The following TFB2M variants were observed in gnomAD, a reference collection of about 807,000 sequenced individuals.
TFB2M encodes dimethyladenosine transferase 2, mitochondrial.
Under a neutral mutation model 41.3 loss-of-function variants are expected in TFB2M, and 44 were observed. The ratio of observed to expected loss-of-function variants is 1.07; its 90% CI spans 0.84 to 1.37. The LOEUF (loss-of-function observed/expected upper bound fraction) is 1.37. Ranked by LOEUF, TFB2M falls within the 40% of genes most tolerant of loss-of-function variation. The pLI is 0.00. For synonymous variants in TFB2M, 188 were observed against 176.8 expected (o/e 1.06, Z -0.50); for missense variants, 496 against 490.2 (o/e 1.01, Z -0.11).
At chr1:246,543,716 T>A (rs995941305) in intron 7 of TFB2M, among the ~76,000 whole-genome samples, 2 of 152,170 alleles carry the variant, frequency 1.3e-5, no homozygotes, top group Non-Finnish European at 2.9e-5. Context: ...GGTGGATTGC[T>A]TGAGGCCAGG....
rs1359342295 is a variant in TFB2M, at chr1:246,565,907, G to A, written c.232C>T (p.Arg78Trp). The stretch of plus-strand genomic sequence containing the variant: ...TGCGCCAGGGTCTCAGCCAATCTCC[G>A]ATCGGTTACGTAACGCTTAAAGTCT... ...SLDFKRYVTD[R>W]RLAETLAQIY... The change falls in exon 1 of 8, where the codon CGG (arginine) becomes TGG (tryptophan). Residue 78 changes from arginine to tryptophan, a missense_variant. Coordinates refer to ENST00000366514, the MANE Select transcript of TFB2M (RefSeq NM_022366.3). 1.2e-6 allele frequency: 2 copies of A among 1,613,860 alleles called. No homozygotes were observed. Among genetic ancestry groups the A allele is most frequent in the Non-Finnish European group, 8.5e-7 (1 of 1,179,750 alleles).
At chr1:246,558,490 T>G (rs1270476945) in intron 2 of TFB2M, among the ~76,000 whole-genome samples, 1 of 152,072 alleles carries the variant, frequency 6.6e-6, no homozygotes, top group Non-Finnish European at 1.5e-5. Flanking sequence ...ATTCAAAAGC[T>G]TTTCACACCA....
chr1:246,566,120 C>G lies in TFB2M; in HGVS notation c.19G>C (p.Gly7Arg). 6.2e-7 allele frequency: 1 copy of G among 1,609,930 alleles called. No homozygotes were observed. Among genetic ancestry groups the G allele is most frequent in the South Asian group, 1.1e-5 (1 of 91,028 alleles). MWIPVV[G>R]LPRRLRLSAL... ...GAGAGCCTCAGCCGCCGAGGAAGCC[C>G]GACCACTGGGATCCACATGTCCTTG... The change falls in exon 1 of 8, where the codon GGG becomes CGG. Residue 7 changes from glycine to arginine, a missense_variant. Gly to Arg is a moderately radical substitution (Grantham distance 125, BLOSUM62 -2). Coordinates refer to ENST00000366514, the MANE Select transcript of TFB2M (RefSeq NM_022366.3).
chr1:246,545,614 A>G (rs992595370), intron 6 of TFB2M, among the ~76,000 whole-genome samples: 1 of 151,980 alleles, frequency 6.6e-6, no homozygotes, highest in Admixed American at 6.6e-5. Context: ...GGAGTTCAAG[A>G]CTAGCCTGGA....
intron 4 of TFB2M, among the ~76,000 whole-genome samples, chr1:246,554,876 C>A (rs1314302356): frequency 6.6e-6 from 1 of 152,098 alleles, no homozygotes; most frequent in East Asian, 1.9e-4. Context: ...AAATGAAAAA[C>A]TTTGGGCATC....
At position 246,540,599 on chromosome 1, in the gene TFB2M, T is replaced by C. The variant is rs1393712026; in HGVS notation, c.*432A>G. The C allele has an allele frequency of 6.5e-6, 1 of 153,286 alleles. No individual in the cohort carries two copies. The highest frequency in any genetic ancestry group is 1.5e-5 in the Non-Finnish European group (1 of 68,510). The allele number at this position is 153,286 out of a possible 1,614,324, so 9.5% of individuals were successfully genotyped here. A position where few individuals can be genotyped will look rare whatever the true frequency, so the allele number is the denominator to read the frequency against. The stretch of plus-strand genomic sequence containing the variant: ...TATTTTAATTTCTAAAAAGCTTAAA[T>C]CATATTAAAATTTAAACAATTTCAT... On this transcript the variant is annotated 3_prime_UTR_variant, in exon 8 of 8. Coordinates refer to ENST00000366514, the MANE Select transcript of TFB2M (RefSeq NM_022366.3).
intron 6 of TFB2M, among the ~76,000 whole-genome samples, chr1:246,546,977 ACACAC>A (rs1199867692): frequency 1.7e-5 from 2 of 117,668 alleles, no homozygotes; most frequent in African/African-American, 3.2e-5. Flanking sequence ...ACACACACAC[ACACAC>A]ATTTTTTTTT....
At chr1:246,547,757 C>A (rs756695197) in intron 6 of TFB2M, among the ~76,000 whole-genome samples, 15 of 141,934 alleles carry the variant, frequency 1.1e-4, no homozygotes, top group Non-Finnish European at 1.9e-4. Flanking sequence ...TTTTGTGAAA[C>A]TTTAGCTACT....
chr1:246,551,475 G>A (rs563823464), intron 4 of TFB2M, among the ~76,000 whole-genome samples, 173 bp from the exon 5 acceptor site: 1 of 152,312 alleles, frequency 6.6e-6, no homozygotes, highest in African/African-American at 2.4e-5. Context: ...CCAGCTACTC[G>A]AAAGGCTGAG....
chr1:246,544,776 C>T, intron 6 of TFB2M, 95 bp from the exon 7 acceptor site: 1 of 1,066,292 alleles, frequency 9.4e-7, no homozygotes, highest in Non-Finnish European at 1.4e-6. Flanking sequence ...CTGAAAGACA[C>T]AATCACCACA....
chr1:246,566,073 G>A lies in TFB2M; in HGVS notation c.66C>T (p.Arg22=), dbSNP rs1313356009. The A allele has an allele frequency of 1.9e-6, 3 of 1,613,616 alleles. No homozygotes were observed. The highest frequency in any genetic ancestry group is 4.5e-5 in the East Asian group (2 of 44,874). ...LRLSALAGAG[R]FCILGSEAAT... Reference sequence around the variant, plus strand: ...CCGCTTCAGACCCTAAAATGCAAAAGCGACCAGCGCCCGCCAAGGCGGAGA... The same window carrying A: ...CCGCTTCAGACCCTAAAATGCAAAAACGACCAGCGCCCGCCAAGGCGGAGA... The change falls in exon 1 of 8, where the codon CGC becomes CGT. Residue 22 remains arginine, a synonymous_variant. Coordinates refer to ENST00000366514, the MANE Select transcript of TFB2M (RefSeq NM_022366.3).
intron 4 of TFB2M, among the ~76,000 whole-genome samples, chr1:246,554,853 G>A (rs1352314885): frequency 6.6e-6 from 1 of 151,978 alleles, no homozygotes; most frequent in Non-Finnish European, 1.5e-5. Context: ...AAAAGACAAA[G>A]TTGACTTCAT....
rs1233491675 is a variant in TFB2M at position 246,544,582 on chromosome 1, A to G, written c.958T>C (p.Phe320Leu). Residue 320 changes from phenylalanine to leucine, a missense_variant, in exon 7 of 8, where the codon TTT becomes CTT. Coordinates refer to ENST00000366514, the MANE Select transcript of TFB2M (RefSeq NM_022366.3). ...AAACAGTGCTTTAACAAGTGAAAAA[A>G]TATATTATAGTTCATAGGTGTTAAG... ...KNLTPMNYNI[F>L]FHLLKHCFGR... 2.5e-6 allele frequency: 4 copies of G among 1,611,750 alleles called. No individual in the cohort carries two copies. The highest frequency in any genetic ancestry group is 3.4e-6 in the Non-Finnish European group (4 of 1,179,442).
intron 6 of TFB2M, among the ~76,000 whole-genome samples, chr1:246,545,046 C>G (rs939398008): frequency 7.3e-6 from 1 of 137,516 alleles, no homozygotes; most frequent in African/African-American, 2.6e-5. Context: ...ACCTCGTGAT[C>G]CGCCCGCCTC....
At chr1:246,561,903 T>TC (rs1248617059) in intron 2 of TFB2M, among the ~76,000 whole-genome samples, 3 of 152,176 alleles carry the variant, frequency 2.0e-5, no homozygotes, top group African/African-American at 7.2e-5. Flanking sequence ...CTTTTTTTTT[T>TC]CCTCAAATCA....
At chr1:246,556,152 T>C (rs929947134) in intron 4 of TFB2M, among the ~76,000 whole-genome samples, 3 of 152,168 alleles carry the variant, frequency 2.0e-5, no homozygotes, top group African/African-American at 4.8e-5. Context: ...ATAACATTGA[T>C]GAACCTTGAA....
chr1:246,551,340 T>A (rs1203579139), intron 4 of TFB2M, 38 bp from the exon 5 acceptor site: 1 of 1,364,988 alleles, frequency 7.3e-7, no homozygotes, highest in Non-Finnish European at 1.0e-6. Flanking sequence ...GTTATACACA[T>A]CTATAATCAA....
At chr1:246,542,273 C>T (rs1366645547) in intron 7 of TFB2M, among the ~76,000 whole-genome samples, 1 of 149,856 alleles carries the variant, frequency 6.7e-6, no homozygotes, top group African/African-American at 2.4e-5. Context: ...AATATATATA[C>T]AATATATAAT....
chr1:246,551,111 G>T, intron 5 of TFB2M, 102 bp downstream of exon 5: 1 of 856,678 alleles, frequency 1.2e-6, no homozygotes, highest in Non-Finnish European at 1.9e-6. Flanking sequence ...GTAGTTCAAG[G>T]CTGCAGCAAG....
Sources: gnomAD v4.1 joint callset for allele counts (sites outside exome capture counted in the v4.1 genomes callset) on GRCh38, gnomAD v4.1.1 for gene constraint, MANE v1.5 for transcripts, NCBI Gene and HGNC (gene_info 2026-07-23, HGNC 2026-07-21) for gene names.